Variants in ELOVL6 observed in about 807,000 individuals in gnomAD.
ELOVL6 encodes the protein ELOVL fatty acid elongase 6, also known as very long chain fatty acid elongase 6.
ELOVL6 carries 8 observed loss-of-function variants against 31.7 expected under a neutral mutation model. The observed-to-expected ratio is 0.25, with a 90% CI of 0.15 to 0.45. ELOVL6 has a LOEUF of 0.45. Among genes scored for constraint, ELOVL6 ranks in the 20% least tolerant of loss-of-function variants. The pLI, the probability that ELOVL6 is intolerant of heterozygous loss-of-function variation, is 1.00. For synonymous variants in ELOVL6, 101 were observed against 117.7 expected, an observed-to-expected ratio of 0.86 and a Z score of 0.92; for missense variants, 126 against 326.4, an observed-to-expected ratio of 0.39 and a Z score of 4.73.
At chr4:110,122,054 C>A (rs2170553) in intron 1 of ELOVL6, among the ~76,000 whole-genome samples, 111,761 of 152,022 alleles carry the variant, frequency 0.74, 41,579 homozygotes, top group African/African-American at 0.85. Context: ...CATACTACAC[C>A]GTTGTTTTGT....
intron 1 of ELOVL6, among the ~76,000 whole-genome samples, chr4:110,154,585 G>T (rs1758363790): frequency 6.6e-6 from 1 of 152,132 alleles, no homozygotes; most frequent in African/African-American, 2.4e-5. Flanking sequence ...ACAAGCTCTT[G>T]TGTGTTGCCC....
intron 1 of ELOVL6, among the ~76,000 whole-genome samples, chr4:110,178,137 C>T (rs137950710): frequency 6.7e-4 from 102 of 152,280 alleles, no homozygotes; most frequent in Middle Eastern, 3.4e-3. Flanking sequence ...CAAATTCTCT[C>T]ATTTACAGTT....
intron 1 of ELOVL6, among the ~76,000 whole-genome samples, chr4:110,190,593 C>T (rs947156654): frequency 4.1e-4 from 63 of 152,324 alleles, no homozygotes; most frequent in African/African-American, 1.5e-3. Flanking sequence ...GAACCTCGGC[C>T]TCCTGGGTTC....
chr4:110,105,781 G>A (rs1756869817), intron 1 of ELOVL6, among the ~76,000 whole-genome samples, 153 bp from the exon 2 acceptor site: 1 of 152,204 alleles, frequency 6.6e-6, no homozygotes, highest in South Asian at 2.1e-4. Context: ...CGGCAAACTA[G>A]TGTTCTGTTG....
At chr4:110,081,760 A>C (rs1755860525) in intron 2 of ELOVL6, among the ~76,000 whole-genome samples, 1 of 150,130 alleles carries the variant, frequency 6.7e-6, no homozygotes, top group Non-Finnish European at 1.5e-5. Context: ...AATTAAACTA[A>C]AGAGCTTCTG....
At chr4:110,083,772 G>T (rs17041360) in intron 2 of ELOVL6, among the ~76,000 whole-genome samples, 18,823 of 150,082 alleles carry the variant, frequency 0.13, 1,387 homozygotes, top group Non-Finnish European at 0.14. Context: ...GATGATGATG[G>T]TGGTGGTTAG....
chr4:110,145,482 G>A (rs1758079971), intron 1 of ELOVL6, among the ~76,000 whole-genome samples: 4 of 152,114 alleles, frequency 2.6e-5, no homozygotes, highest in Admixed American at 6.5e-5. Context: ...CCAAAGAGGC[G>A]AACTGTCTAT....
chr4:110,160,374 A>C lies in ELOVL6; in HGVS notation c.89+37873T>G, dbSNP rs575287372. ...ATATCTTCCTTCCACTGGCCCACCC[A>C]CCCCTGACTTCCTGTGTTGCTTTAC... On this transcript the variant is annotated intron_variant, in intron 1 of 3. Transcript: ENST00000302274. 1.1e-4 allele frequency among the ~76,000 whole-genome samples: 16 copies of C among 152,148 alleles called. 1 individual carries two copies. The South Asian group carries it at 3.3e-3, about 32-fold the overall frequency.
chr4:110,084,004 C>T (rs962325500), intron 2 of ELOVL6, among the ~76,000 whole-genome samples: 2,087 of 8,588 alleles, frequency 0.24, 240 homozygotes, highest in Non-Finnish European at 0.25. Flanking sequence ...TAACATATGC[C>T]ATATATGGTA....
At chr4:110,137,483 C>G (rs754951909) in intron 1 of ELOVL6, among the ~76,000 whole-genome samples, 31 of 152,136 alleles carry the variant, frequency 2.0e-4, no homozygotes, top group Admixed American at 5.9e-4. Context: ...AGCCCCTTTT[C>G]AAGATTAGTT....
chr4:110,161,221 T>TA (rs1423436759), intron 1 of ELOVL6, among the ~76,000 whole-genome samples: 1 of 152,186 alleles, frequency 6.6e-6, no homozygotes, highest in African/African-American at 2.4e-5. Context: ...TCAAATGAAA[T>TA]ATGTCTGTGT....
intron 1 of ELOVL6, among the ~76,000 whole-genome samples, chr4:110,183,612 AT>A (rs34605233): frequency 0.17 from 25,858 of 149,672 alleles, 2,458 homozygotes; most frequent in South Asian, 0.26. Flanking sequence ...TTACAGATCT[AT>A]TTTTTTTTTA....
In ELOVL6 at chr4:110,050,935, G is replaced by A. The variant is rs796962581; in HGVS notation, c.*403C>T. The A allele has an allele frequency of 9.7e-5, 19 of 195,004 alleles. 1 individual carries two copies. The highest frequency in any genetic ancestry group is 5.3e-4 in the East Asian group (4 of 7,486). 12.1% of individuals were successfully genotyped at this position (195,004 alleles called of 1,614,324 possible). A position where few individuals can be genotyped will look rare whatever the true frequency, so the allele number is the denominator to read the frequency against. ...AGAAAGGATTGTGTGTGTTGTGCTCGCACAGTTTCTAGAGTAAAAATCTTT... is the reference window on the plus strand; with the variant it reads ...AGAAAGGATTGTGTGTGTTGTGCTCACACAGTTTCTAGAGTAAAAATCTTT... On this transcript the variant is annotated 3_prime_UTR_variant, in exon 4 of 4. Transcript: ENST00000302274.
intron 2 of ELOVL6, among the ~76,000 whole-genome samples, chr4:110,073,944 C>T (rs1185679642): frequency 6.6e-6 from 1 of 152,188 alleles, no homozygotes; most frequent in Non-Finnish European, 1.5e-5. Flanking sequence ...GATTTGTCTC[C>T]TCCTTCTCTG....
chr4:110,075,829 C>G (rs1405739055), intron 2 of ELOVL6, among the ~76,000 whole-genome samples: 1 of 152,206 alleles, frequency 6.6e-6, no homozygotes, highest in Non-Finnish European at 1.5e-5. Flanking sequence ...TAACTCTAAA[C>G]TCCTATTCCT....
At position 110,084,112 on chromosome 4, in the gene ELOVL6, A is replaced by C. The variant is rs1206808244; in HGVS notation, c.221+21385T>G. Among the ~76,000 whole-genome samples, 4 of 69,832 alleles carry C rather than the reference A, an allele frequency of 5.7e-5. 1 individual carries two copies. The highest frequency in any genetic ancestry group is 7.6e-5 in the Non-Finnish European group (3 of 39,354). 45.8% of individuals were successfully genotyped at this position (69,832 alleles called of 152,430 possible). A position where few individuals can be genotyped will look rare whatever the true frequency, so the allele number is the denominator to read the frequency against. The stretch of plus-strand genomic sequence containing the variant: ...ATATAACATATATATGATATATATG[A>C]TATATATAACATATATGTGATAATG... On this transcript the variant is annotated intron_variant, in intron 2 of 3. Transcript: ENST00000302274.
chr4:110,136,245 A>G (rs1264072554), intron 1 of ELOVL6, among the ~76,000 whole-genome samples: 3 of 152,238 alleles, frequency 2.0e-5, no homozygotes, highest in Non-Finnish European at 1.5e-5. Context: ...ACCCAGCATT[A>G]GGAATAGGCA....
intron 1 of ELOVL6, among the ~76,000 whole-genome samples, chr4:110,137,269 A>G (rs180872137): frequency 9.8e-5 from 15 of 152,296 alleles, no homozygotes; most frequent in African/African-American, 3.1e-4. Flanking sequence ...GCTGAGTGGA[A>G]ACTTAAGTAA....
intron 2 of ELOVL6, among the ~76,000 whole-genome samples, chr4:110,085,007 C>A (rs1473876020): frequency 2.0e-5 from 3 of 152,072 alleles, no homozygotes; most frequent in African/African-American, 7.2e-5. Context: ...TTTAATTATT[C>A]ACTTATTTGT....
Sources: gnomAD v4.1 joint callset for allele counts (sites outside exome capture counted in the v4.1 genomes callset) on GRCh38, gnomAD v4.1.1 for gene constraint, MANE v1.5 for transcripts, NCBI Gene and HGNC (gene_info 2026-07-23, HGNC 2026-07-21) for gene names.